Variants in SLC24A3 observed in about 807,000 individuals in gnomAD.
The protein encoded by SLC24A3 is sodium/potassium/calcium exchanger 3.
SLC24A3 carries 28 observed loss-of-function variants against 75.8 expected under a neutral mutation model. That is an observed-to-expected ratio of 0.37 (90% confidence interval 0.27 to 0.51). The LOEUF is 0.51. Among genes scored for constraint, SLC24A3 ranks in the 20% least tolerant of loss-of-function variants. The pLI is 0.94. For synonymous variants in SLC24A3, 372 were observed against 334.1 expected (o/e 1.11, Z -1.24); for missense variants, 663 against 847.8 (o/e 0.78, Z 2.71).
chr20:19,679,019 C>T (rs2032574169), intron 9 of SLC24A3, among the ~76,000 whole-genome samples: 1 of 150,246 alleles, frequency 6.7e-6, no homozygotes, highest in Non-Finnish European at 1.5e-5. Context: ...ACTTTCCAGA[C>T]TGGGCAGCCA....
chr20:19,583,966 G>A (rs953909139), intron 4 of SLC24A3, among the ~76,000 whole-genome samples: 6 of 152,194 alleles, frequency 3.9e-5, no homozygotes, highest in African/African-American at 1.4e-4. Context: ...GGAGGCCAGT[G>A]ACCTACATCA....
At position 19,721,047 on chromosome 20, in the gene SLC24A3, C is replaced by T. The variant is rs768100758; in HGVS notation, c.1842C>T (p.Cys614=). Residue 614 remains cysteine, a synonymous_variant, in exon 17 of 17, where the codon TGC becomes TGT. Coordinates refer to ENST00000328041, the MANE Select transcript of SLC24A3 (RefSeq NM_020689.4). Reference sequence around the variant, plus strand: ...TGGACAAGAAGCTGGGCTGTGGGTGCCTCCTCCTGTATGGTGTGTTCCTGT... The same window carrying T: ...TGGACAAGAAGCTGGGCTGTGGGTGTCTCCTCCTGTATGGTGTGTTCCTGT... The part of the protein sequence containing the change: ...WQLDKKLGCG[C]LLLYGVFLCF... 8.7e-6 allele frequency: 14 copies of T among 1,613,984 alleles called. No individual in the cohort carries two copies. The highest frequency in any genetic ancestry group is 1.2e-5 in the Non-Finnish European group (14 of 1,180,026).
intron 15 of SLC24A3, among the ~76,000 whole-genome samples, chr20:19,699,076 G>GAT (rs1484529126): frequency 6.6e-6 from 1 of 152,200 alleles, no homozygotes; most frequent in African/African-American, 2.4e-5. Context: ...TATATGTCAT[G>GAT]ATATATAACA....
chr20:19,653,704 C>A (rs1390828611), intron 6 of SLC24A3, among the ~76,000 whole-genome samples: 10 of 152,168 alleles, frequency 6.6e-5, no homozygotes, highest in Admixed American at 6.5e-4. Context: ...CTGGGCCTCA[C>A]TGCACCTTCC....
At chr20:19,682,072 G>A in intron 10 of SLC24A3, 81 bp downstream of exon 10, 12 of 1,458,848 alleles carry the variant, frequency 8.2e-6, no homozygotes, top group Non-Finnish European at 1.0e-5. Context: ...GGCCAACATG[G>A]CAAATCCCCA....
At chr20:19,219,677 A>G (rs1600379848) in intron 1 of SLC24A3, among the ~76,000 whole-genome samples, 2 of 152,358 alleles carry the variant, frequency 1.3e-5, no homozygotes, top group South Asian at 4.1e-4. Flanking sequence ...CAGACAGGCA[A>G]TTTACAAGAA....
chr20:19,535,968 T>C lies in SLC24A3; in HGVS notation c.348+20404T>C, dbSNP rs972846899. On this transcript the variant is annotated intron_variant, in intron 3 of 16. Coordinates refer to ENST00000328041, the MANE Select transcript of SLC24A3 (RefSeq NM_020689.4). The stretch of plus-strand genomic sequence containing the variant: ...AAAGGGAGAGAGAAGATAGGGAGGC[T>C]GAACTTGTTTATTTGTTTTAAGGAG... Among the ~76,000 whole-genome samples, 13 of 152,142 alleles carry C rather than the reference T, an allele frequency of 8.5e-5. 1 individual carries two copies. The highest frequency in any genetic ancestry group is 3.1e-4 in the African/African-American group (13 of 41,418).
At chr20:19,381,966 C>T (rs1355275148) in intron 2 of SLC24A3, among the ~76,000 whole-genome samples, 2 of 152,112 alleles carry the variant, frequency 1.3e-5, no homozygotes. Context: ...GGAAATACAG[C>T]TTTGGATAAA....
At chr20:19,548,490 A>T (rs545761080) in intron 3 of SLC24A3, among the ~76,000 whole-genome samples, 3 of 152,198 alleles carry the variant, frequency 2.0e-5, no homozygotes, top group Non-Finnish European at 2.9e-5. Flanking sequence ...ATTGCTGTGG[A>T]ACAAATTACC....
chr20:19,676,728 AG>A (rs1174064213), intron 9 of SLC24A3, among the ~76,000 whole-genome samples: 3 of 152,234 alleles, frequency 2.0e-5, no homozygotes, highest in Non-Finnish European at 4.4e-5. Flanking sequence ...CAGATTGTCC[AG>A]TTAGGTAGAA....
chr20:19,327,639 A>G (rs969834273), intron 2 of SLC24A3, among the ~76,000 whole-genome samples: 1 of 152,196 alleles, frequency 6.6e-6, no homozygotes, highest in Admixed American at 6.5e-5. Context: ...CTTTGTCGTC[A>G]TATCATTGTT....
At chr20:19,351,755 C>G (rs921505229) in intron 2 of SLC24A3, among the ~76,000 whole-genome samples, 17 of 152,274 alleles carry the variant, frequency 1.1e-4, no homozygotes, top group African/African-American at 4.1e-4. Context: ...TAGTTTGAAG[C>G]AGGCTGAACA....
At chr20:19,481,778 C>G (rs1055622271) in intron 2 of SLC24A3, among the ~76,000 whole-genome samples, 7 of 152,170 alleles carry the variant, frequency 4.6e-5, no homozygotes, top group African/African-American at 1.7e-4. Flanking sequence ...GATCTTCCTA[C>G]AGAGGGCCCT....
chr20:19,270,335 A>G (rs181968993), intron 1 of SLC24A3, among the ~76,000 whole-genome samples: 2 of 152,316 alleles, frequency 1.3e-5, no homozygotes, highest in East Asian at 3.9e-4. Context: ...GTACATTTTA[A>G]GAAGGTCCCT....
intron 1 of SLC24A3, chr20:19,244,221 T>C (rs1489767456): frequency 6.6e-6 from 1 of 152,172 alleles, no homozygotes; most frequent in Non-Finnish European, 1.5e-5. Context: ...AGCATTCCTT[T>C]AGTGCCTTAT....
At chr20:19,267,188 A>G (rs2122204967) in intron 1 of SLC24A3, among the ~76,000 whole-genome samples, 1 of 152,332 alleles carries the variant, frequency 6.6e-6, no homozygotes, top group African/African-American at 2.4e-5. Flanking sequence ...ATATTTAACC[A>G]TTTTGAAAAT....
intron 1 of SLC24A3, among the ~76,000 whole-genome samples, chr20:19,263,719 C>G (rs922366689): frequency 6.6e-6 from 1 of 152,188 alleles, no homozygotes; most frequent in Non-Finnish European, 1.5e-5. Flanking sequence ...TTCCATTCAA[C>G]CTTGCTATTC....
At chr20:19,718,931 G>GC (rs2122179457) in intron 16 of SLC24A3, among the ~76,000 whole-genome samples, 1 of 152,250 alleles carries the variant, frequency 6.6e-6, no homozygotes, top group East Asian at 1.9e-4. Flanking sequence ...AGAGAGAAGA[G>GC]CCCCAAGATC....
chr20:19,391,424 A>G (rs1410447438), intron 2 of SLC24A3, among the ~76,000 whole-genome samples: 1 of 152,184 alleles, frequency 6.6e-6, no homozygotes, highest in African/African-American at 2.4e-5. Context: ...CAGATCTCCA[A>G]GGTGAAGCAT....
Sources: gnomAD v4.1 joint callset for allele counts (sites outside exome capture counted in the v4.1 genomes callset) on GRCh38, gnomAD v4.1.1 for gene constraint, MANE v1.5 for transcripts, NCBI Gene and HGNC (gene_info 2026-07-23, HGNC 2026-07-21) for gene names.